Variants in RGS7 observed in about 807,000 individuals in gnomAD.
The protein encoded by RGS7 is regulator of G protein signaling 7, also known as regulator of G-protein signaling 7.
RGS7 carries 27 observed loss-of-function variants against 81.1 expected under a neutral mutation model. That is an observed-to-expected ratio of 0.33 (90% CI 0.25 to 0.46). The LOEUF (loss-of-function observed/expected upper bound fraction) is 0.46. Among genes scored for constraint, RGS7 ranks in the 20% least tolerant of loss-of-function variants. The pLI is 1.00. For missense variants in RGS7, 396 were observed against 607.4 expected (o/e 0.65, Z 3.66); for synonymous variants, 208 against 207.7 (o/e 1.00, Z -0.01).
chr1:241,305,842 C>T, intron 2 of RGS7: 1 of 309,032 alleles, frequency 3.2e-6, no homozygotes, highest in Non-Finnish European at 6.5e-6. Context: ...TCTTGGTCAC[C>T]TTGTGGCCTT....
At chr1:241,233,737 C>G (rs1383190304) in intron 2 of RGS7, among the ~76,000 whole-genome samples, 1 of 150,922 alleles carries the variant, frequency 6.6e-6, no homozygotes, top group Non-Finnish European at 1.5e-5. Context: ...GATGTCATTT[C>G]TTTTGGATAT....
chr1:240,968,188 C>A (rs1391271851), intron 4 of RGS7, among the ~76,000 whole-genome samples: 1 of 152,152 alleles, frequency 6.6e-6, no homozygotes. Flanking sequence ...CATGGATGAA[C>A]CCCAGCAGAG....
At chr1:240,791,172 A>T (rs968873106) in intron 18 of RGS7, among the ~76,000 whole-genome samples, 1 of 152,192 alleles carries the variant, frequency 6.6e-6, no homozygotes, top group Non-Finnish European at 1.5e-5. Flanking sequence ...ATTTCCAACA[A>T]CTGCCACAGC....
intron 4 of RGS7, among the ~76,000 whole-genome samples, chr1:240,940,658 T>G (rs988304874): frequency 5.9e-5 from 9 of 152,196 alleles, no homozygotes; most frequent in Admixed American, 3.9e-4. Flanking sequence ...AGATAGACAG[T>G]AAGAGGAGCT....
intron 14 of RGS7, among the ~76,000 whole-genome samples, chr1:240,807,112 T>C (rs528207306): frequency 8.3e-4 from 126 of 152,308 alleles, no homozygotes; most frequent in African/African-American, 2.8e-3. Context: ...TTATACCATA[T>C]GTATACTGAA....
intron 3 of RGS7, among the ~76,000 whole-genome samples, chr1:241,017,652 G>A (rs146499706): frequency 6.6e-6 from 1 of 152,158 alleles, no homozygotes; most frequent in East Asian, 1.9e-4. Context: ...TGATTGCATA[G>A]TTTCTGGTGA....
intron 2 of RGS7, among the ~76,000 whole-genome samples, chr1:241,331,506 T>C (rs960730752): frequency 1.3e-5 from 2 of 152,212 alleles, no homozygotes; most frequent in Non-Finnish European, 2.9e-5. Flanking sequence ...AGGTACAATA[T>C]AGTTTCACTA....
chr1:241,218,422 G>A (rs1039685622), intron 2 of RGS7, among the ~76,000 whole-genome samples: 6 of 152,188 alleles, frequency 3.9e-5, no homozygotes, highest in Non-Finnish European at 5.9e-5. Flanking sequence ...TTAACACACA[G>A]TGCCTAACAG....
chr1:241,044,273 C>T (rs145518578), intron 3 of RGS7, among the ~76,000 whole-genome samples: 3 of 151,936 alleles, frequency 2.0e-5, no homozygotes, highest in East Asian at 1.9e-4. Context: ...CAACCACGCC[C>T]GCCTAATTTT....
At chr1:241,337,192 T>G (rs1339825040) in intron 2 of RGS7, among the ~76,000 whole-genome samples, 1 of 151,652 alleles carries the variant, frequency 6.6e-6, no homozygotes, top group African/African-American at 2.4e-5. Context: ...ATAAGATGGG[T>G]TCTCAAAACA....
chr1:241,294,208 C>T (rs1360766518), intron 2 of RGS7, among the ~76,000 whole-genome samples: 2 of 152,018 alleles, frequency 1.3e-5, no homozygotes, highest in Non-Finnish European at 2.9e-5. Flanking sequence ...CCAAACACCA[C>T]ATGTTCTCAC....
intron 2 of RGS7, among the ~76,000 whole-genome samples, chr1:241,177,882 G>A (rs75301987): frequency 1.1e-5 from 1 of 87,390 alleles, no homozygotes; most frequent in Non-Finnish European, 2.3e-5. Flanking sequence ...AAGTGGGGAG[G>A]AAAAGGAGGG....
At chr1:241,145,813 A>G (rs2103104632) in intron 2 of RGS7, among the ~76,000 whole-genome samples, 1 of 152,234 alleles carries the variant, frequency 6.6e-6, no homozygotes, top group South Asian at 2.1e-4. Context: ...CCATGATCTT[A>G]CTCCCAGTTT....
At chr1:241,036,171 C>A (rs555885653) in intron 3 of RGS7, among the ~76,000 whole-genome samples, 1 of 152,212 alleles carries the variant, frequency 6.6e-6, no homozygotes. Flanking sequence ...ACATTGTATA[C>A]AAAGCAAGAG....
At chr1:241,275,163 T>A (rs952911825) in intron 2 of RGS7, among the ~76,000 whole-genome samples, 2 of 152,170 alleles carry the variant, frequency 1.3e-5, no homozygotes, top group African/African-American at 4.8e-5. Flanking sequence ...TGGCCCCTGT[T>A]CAGCTCTGGT....
At position 241,336,414 on chromosome 1, in the gene RGS7, G is replaced by A. The variant is rs575711209; in HGVS notation, c.78+19285C>T. Among the ~76,000 whole-genome samples, 242 of 152,266 alleles carry A rather than the reference G, an allele frequency of 1.6e-3. 11 individuals are homozygous for A. The South Asian group carries it at 0.043, about 27-fold the overall frequency. ...TCATAGGATGTATGTGAAAGAAGGGGAGGAAGTAGAAACTAAGAGAAGGAT... is the reference window on the plus strand; with the variant it reads ...TCATAGGATGTATGTGAAAGAAGGGAAGGAAGTAGAAACTAAGAGAAGGAT... On this transcript the variant is annotated intron_variant, in intron 2 of 18. Transcript: ENST00000440928.
chr1:240,945,675 CA>C (rs1678482644), intron 4 of RGS7, among the ~76,000 whole-genome samples: 1 of 152,102 alleles, frequency 6.6e-6, no homozygotes, highest in Non-Finnish European at 1.5e-5. Context: ...AATTTCAAAA[CA>C]AAATCAGTGG....
At chr1:241,083,301 A>T (rs1468439518) in intron 3 of RGS7, among the ~76,000 whole-genome samples, 3 of 151,784 alleles carry the variant, frequency 2.0e-5, no homozygotes, top group Non-Finnish European at 2.9e-5. Flanking sequence ...AAAAAAAGAA[A>T]AGAAAAGAAA....
intron 2 of RGS7, among the ~76,000 whole-genome samples, chr1:241,161,208 G>A (rs912799125): frequency 8.5e-5 from 13 of 152,140 alleles, no homozygotes; most frequent in African/African-American, 2.9e-4. Context: ...TAAGCCAGGA[G>A]AAAGGGCCAT....
Sources: gnomAD v4.1 joint callset for allele counts (sites outside exome capture counted in the v4.1 genomes callset) on GRCh38, gnomAD v4.1.1 for gene constraint, MANE v1.5 for transcripts, NCBI Gene and HGNC (gene_info 2026-07-23, HGNC 2026-07-21) for gene names.